Variants in PDE1C observed in about 807,000 individuals in gnomAD.
PDE1C encodes phosphodiesterase 1C.
Under a neutral mutation model 93.1 loss-of-function variants are expected in PDE1C, and 62 were observed. The observed-to-expected ratio is 0.67, with a 90% CI of 0.54 to 0.82. The LOEUF (loss-of-function observed/expected upper bound fraction) is 0.82, where lower values mean the gene tolerates loss of function less well. Among genes scored for constraint, PDE1C ranks in the 40% least tolerant of loss-of-function variants. The pLI is 0.00. For synonymous variants in PDE1C, 325 were observed against 310.1 expected, an observed-to-expected ratio of 1.05 and a Z score of -0.50; for missense variants, 742 against 884.6, an observed-to-expected ratio of 0.84 and a Z score of 2.04.
At chr7:32,027,403 A>C (rs1240982397) in intron 2 of PDE1C, among the ~76,000 whole-genome samples, 1 of 152,068 alleles carries the variant, frequency 6.6e-6, no homozygotes, top group Non-Finnish European at 1.5e-5. Context: ...ATATGTTGAC[A>C]TGCAAACTTA....
At position 32,025,887 on chromosome 7, in the gene PDE1C, T is replaced by C. The variant is rs116949689; in HGVS notation, c.128+25667A>G. Among the ~76,000 whole-genome samples, 229 of 152,260 alleles carry C rather than the reference T, an allele frequency of 1.5e-3. 4 individuals carry two copies. In the East Asian group the frequency reaches 0.04, roughly 27 times the overall value. ...GAGGAGCAGAGCACCTACCTAGCTG[T>C]GCCTTTTCAGGCCAACCACGTGCTG... On this transcript the variant is annotated intron_variant, in intron 2 of 17. Coordinates refer to ENST00000396191, the MANE Select transcript of PDE1C (RefSeq NM_001191057.4).
chr7:32,324,501 T>C (rs184316229), intron 1 of PDE1C, among the ~76,000 whole-genome samples: 4 of 152,352 alleles, frequency 2.6e-5, no homozygotes, highest in Admixed American at 2.6e-4. Flanking sequence ...TGTCAATCTG[T>C]CTGCATGGGC....
chr7:32,081,170 A>G (rs1043777683), intron 3 of PDE1C, among the ~76,000 whole-genome samples: 1 of 152,210 alleles, frequency 6.6e-6, no homozygotes, highest in Non-Finnish European at 1.5e-5. Flanking sequence ...AAATGAAGAA[A>G]TGAAAATTGT....
chr7:31,643,103 A>G, the PDE1C span: 1 of 1,613,994 alleles, frequency 6.2e-7, no homozygotes, highest in Non-Finnish European at 8.5e-7. Flanking sequence ...GAAATGCAGG[A>G]CAGTTTTGTG....
the PDE1C span, among the ~76,000 whole-genome samples, chr7:31,620,184 C>T: frequency 6.6e-6 from 1 of 152,122 alleles, no homozygotes; most frequent in Admixed American, 6.5e-5. Context: ...GGGCAGGGCA[C>T]AGACAAACAA....
chr7:32,191,638 T>G (rs1804237726), intron 2 of PDE1C, among the ~76,000 whole-genome samples: 1 of 152,236 alleles, frequency 6.6e-6, no homozygotes, highest in South Asian at 2.1e-4. Context: ...ACATCTGGGT[T>G]GCTTCCAATT....
At chr7:32,333,253 G>A (rs1783548502) in intron 1 of PDE1C, among the ~76,000 whole-genome samples, 1 of 152,130 alleles carries the variant, frequency 6.6e-6, no homozygotes, top group Admixed American at 6.5e-5. Flanking sequence ...ATTTTTCCAA[G>A]TTTTTGGCCA....
intron 9 of PDE1C, among the ~76,000 whole-genome samples, chr7:31,841,813 T>C (rs1162885419): frequency 6.6e-6 from 1 of 152,072 alleles, no homozygotes; most frequent in Non-Finnish European, 1.5e-5. Flanking sequence ...AGTCCCAAGA[T>C]CTGCAGGGTA....
chr7:31,884,599 G>A (rs181254184), intron 2 of PDE1C, among the ~76,000 whole-genome samples: 43 of 152,278 alleles, frequency 2.8e-4, no homozygotes, highest in African/African-American at 9.6e-4. Flanking sequence ...AGTGATTCCA[G>A]ATGCCCCTTT....
intron 17 of PDE1C, among the ~76,000 whole-genome samples, chr7:31,768,302 T>C (rs1795267709): frequency 6.6e-6 from 1 of 152,158 alleles, no homozygotes; most frequent in Admixed American, 6.5e-5. Context: ...AGGCTGCGGT[T>C]GCCACTGTTT....
chr7:32,008,141 T>A (rs1320749793), intron 2 of PDE1C, among the ~76,000 whole-genome samples: 1 of 152,166 alleles, frequency 6.6e-6, no homozygotes, highest in East Asian at 1.9e-4. Flanking sequence ...AATCTACCCA[T>A]GAGCTACATG....
At chr7:31,697,198 T>A in the PDE1C span, 1 of 1,531,588 alleles carries the variant, frequency 6.5e-7, no homozygotes, top group East Asian at 2.3e-5. Flanking sequence ...CCCCAGGGCC[T>A]GGCCGTTGTC....
At chr7:32,350,347 T>C (rs930865972) in intron 1 of PDE1C, among the ~76,000 whole-genome samples, 1 of 152,130 alleles carries the variant, frequency 6.6e-6, no homozygotes, top group African/African-American at 2.4e-5. Context: ...AGTATGTATG[T>C]AGAACATAAA....
rs1785074812 is a variant in PDE1C at position 32,407,300 on chromosome 7, A to C, written c.310+20522T>G. On this transcript the variant is annotated intron_variant, in intron 1 of 1. Transcript: ENST00000672256. ...AAAAAATAAAACCACCTGGACAGAG[A>C]GAGGAAAAAGTTGTCAATTGTGTTA... 1.3e-5 allele frequency among the ~76,000 whole-genome samples: 2 copies of C among 152,162 alleles called. 1 individual carries two copies. The highest frequency in any genetic ancestry group is 4.1e-4 in the South Asian group (2 of 4,826).
At chr7:32,083,526 A>T (rs1796854512) in intron 3 of PDE1C, among the ~76,000 whole-genome samples, 1 of 152,074 alleles carries the variant, frequency 6.6e-6, no homozygotes, top group African/African-American at 2.4e-5. Context: ...CCTCAAGAAG[A>T]GCAACTCCAA....
chr7:32,163,880 A>G (rs1276739241), intron 3 of PDE1C, among the ~76,000 whole-genome samples: 1 of 152,190 alleles, frequency 6.6e-6, no homozygotes, highest in Non-Finnish European at 1.5e-5. Context: ...GTCTTCTCCC[A>G]AACAGGGTTT....
At chr7:32,207,383 G>A (rs1277664120) in intron 2 of PDE1C, among the ~76,000 whole-genome samples, 4 of 150,560 alleles carry the variant, frequency 2.7e-5, no homozygotes, top group African/African-American at 4.9e-5. Flanking sequence ...CTTATCATCC[G>A]AATCCTCCCA....
the PDE1C span, among the ~76,000 whole-genome samples, chr7:31,702,786 C>A: frequency 1.5e-4 from 23 of 152,194 alleles, no homozygotes; most frequent in African/African-American, 5.3e-4. Flanking sequence ...GCAATACTCA[C>A]TACATATATG....
At chr7:32,162,433 A>C (rs1419610123) in intron 3 of PDE1C, among the ~76,000 whole-genome samples, 1 of 152,204 alleles carries the variant, frequency 6.6e-6, no homozygotes, top group African/African-American at 2.4e-5. Flanking sequence ...TAGACATACA[A>C]GAAATGTATT....
Sources: allele counts gnomAD v4.1 joint callset (sites outside exome capture counted in the v4.1 genomes callset), GRCh38; gene constraint gnomAD v4.1.1; transcripts MANE v1.5; gene names NCBI Gene and HGNC (gene_info 2026-07-23, HGNC 2026-07-21).